Variants in HNRNPM observed in about 807,000 individuals in gnomAD.
HNRNPM encodes CEA receptor.
A neutral mutation model predicts 73.1 loss-of-function variants in HNRNPM; 11 were observed. The ratio of observed to expected loss-of-function variants is 0.15; its 90% CI spans 0.09 to 0.25. The LOEUF is 0.25. HNRNPM is among the 10% of genes least tolerant of loss of function. The pLI is 1.00. For missense variants in HNRNPM, 789 were observed against 1,067.9 expected, an observed-to-expected ratio of 0.74 and a Z score of 3.64; for synonymous variants, 407 against 355.2, an observed-to-expected ratio of 1.15 and a Z score of -1.64.
intron 8 of HNRNPM, among the ~76,000 whole-genome samples, chr19:8,468,485 G>T (rs1439427075): frequency 6.6e-6 from 1 of 152,104 alleles, no homozygotes; most frequent in Non-Finnish European, 1.5e-5. Flanking sequence ...ATAGATTCAC[G>T]TGACTCAAAA....
Position 8,486,368 on chromosome 19 carries a change from G to C in HNRNPM, c.1940G>C (p.Gly647Ala). ...GGTGGAGCTGGAGGCCATGCTCCTG[G>C]GGTGGCCAGGAAGGCCTGCCAGATA... ...SFGGAGGHAP[G>A]VARKACQIFV... Residue 647 changes from glycine (G) to alanine (A), a missense_variant, in exon 14 of 16, where the codon GGG (glycine) becomes GCG (alanine). By Grantham distance (60) the Gly-to-Ala change is moderately conservative. Transcript: ENST00000325495. 1 of 1,584,094 alleles carries C rather than the reference G, an allele frequency of 6.3e-7. No homozygotes were observed. The highest frequency in any genetic ancestry group is 8.5e-7 in the Non-Finnish European group (1 of 1,171,868).
At position 8,488,923 on chromosome 19, in the gene HNRNPM, T is replaced by G; in HGVS notation, c.*69T>G. ...TATTTTTTCTTGTTAACCATTTTAATTTGTTGGCTGGATGTATAAAGATGT... is the reference window on the plus strand; with the variant it reads ...TATTTTTTCTTGTTAACCATTTTAAGTTGTTGGCTGGATGTATAAAGATGT... On this transcript the variant is annotated 3_prime_UTR_variant, in exon 16 of 16. Transcript: ENST00000325495. The G allele has an allele frequency of 1.4e-6, 2 of 1,400,646 alleles. No individual in the cohort carries two copies. Among genetic ancestry groups the G allele is most frequent in the Non-Finnish European group, 2.0e-6 (2 of 1,023,796 alleles). The allele number at this position is 1,400,646 out of a possible 1,614,324, so 86.8% of individuals were successfully genotyped here.
rs6992 is a variant in HNRNPM at position 8,488,746 on chromosome 19, C to T, written c.2085C>T (p.Gly695=). ...AGAATGGGAAGTCCAAGGGGTGTGGCGTGGTTAAGTTCGAGTCGCCAGAGG... is the reference window on the plus strand; with the variant it reads ...AGAATGGGAAGTCCAAGGGGTGTGGTGTGGTTAAGTTCGAGTCGCCAGAGG... ...KMENGKSKGC[G]VVKFESPEVA... is the part of the protein sequence containing the mutation. Residue 695 remains glycine, a synonymous_variant, in exon 16 of 16, where the codon GGC becomes GGT. Coordinates refer to ENST00000325495, the MANE Select transcript of HNRNPM (RefSeq NM_005968.5). 1,541,057 of 1,613,948 alleles carry T rather than the reference C, an allele frequency of 0.95. 739,811 individuals carry two copies. Among genetic ancestry groups the T allele is most frequent in the East Asian group, 0.99 (44,497 of 44,874 alleles).
At chr19:8,483,115 T>C (rs749871677) in intron 12 of HNRNPM, 43 bp from the exon 13 acceptor site, 2 of 1,259,998 alleles carry the variant, frequency 1.6e-6, no homozygotes, top group Non-Finnish European at 1.2e-6. Flanking sequence ...TCTATTGCCA[T>C]AGAGGAATTT....
rs532985888 is a variant in HNRNPM, at chr19:8,475,692, C to G, written c.1120+1448C>G. Among the ~76,000 whole-genome samples, 10 of 152,300 alleles carry G rather than the reference C, an allele frequency of 6.6e-5. No individual in the cohort carries two copies. The East Asian group carries it at 1.9e-3, about 29-fold the overall frequency. ...GAGGTCTGCGTTTCCAGTGTACATT[C>G]AAGCTTGCCTGTAACTTGTGTGTGC... On this transcript the variant is annotated intron_variant, in intron 12 of 15. Transcript: ENST00000325495.
rs1599740681 is a variant in HNRNPM, at chr19:8,448,742, C to T, written c.113+3631C>T. Among the ~76,000 whole-genome samples the T allele has an allele frequency of 2.0e-5, 3 of 151,652 alleles. No individual in the cohort carries two copies. The East Asian group carries it at 5.9e-4, about 30-fold the overall frequency. On this transcript the variant is annotated intron_variant, in intron 1 of 15. Coordinates refer to ENST00000325495, the MANE Select transcript of HNRNPM (RefSeq NM_005968.5). ...TCGTTATCCGCCCGTCTTGGCCTCC[C>T]AAAGTGCTGGGATTATAGGCGTGAG...
Position 8,465,454 on chromosome 19 carries a change from C to G in HNRNPM, c.569C>G (p.Pro190Arg). 1 of 1,613,386 alleles carries G rather than the reference C, an allele frequency of 6.2e-7. No individual in the cohort carries two copies. Among genetic ancestry groups the G allele is most frequent in the Non-Finnish European group, 8.5e-7 (1 of 1,179,496 alleles). The change falls in exon 6 of 16, where the codon CCA becomes CGA. Residue 190 changes from proline to arginine, a missense_variant. This residue lies in a region of HNRNPM where 604 missense variants were observed against 744.0 expected (regional missense o/e 0.81). Coordinates refer to ENST00000325495, the MANE Select transcript of HNRNPM (RefSeq NM_005968.5). Reference protein sequence around the residue: ...PPSILNNPNIPNEIIHALQAG... With the variant: ...PPSILNNPNIRNEIIHALQAG... ...AGTATCCTAAATAATCCCAACATCC[C>G]AAATGAGATTATCCATGCATTACAG...
chr19:8,478,748 G>A (rs1176512228), intron 12 of HNRNPM, among the ~76,000 whole-genome samples: 1 of 152,210 alleles, frequency 6.6e-6, no homozygotes, highest in Non-Finnish European at 1.5e-5. Flanking sequence ...TGTGGGAATG[G>A]AAACTGCTGC....
At position 8,471,308 on chromosome 19, in the gene HNRNPM, T is replaced by C; in HGVS notation, c.896-18T>C. On this transcript the variant is annotated intron_variant, in intron 9 of 15. Coordinates refer to ENST00000325495, the MANE Select transcript of HNRNPM (RefSeq NM_005968.5). The stretch of plus-strand genomic sequence containing the variant: ...GCTAAATAGGGGAAAACTAAGCTTC[T>C]TTCTCTTTTCTTTCCAGATGGCCTT... The C allele has an allele frequency of 6.6e-7, 1 of 1,505,332 alleles. No individual in the cohort carries two copies. Among genetic ancestry groups the C allele is most frequent in the Non-Finnish European group, 9.0e-7 (1 of 1,108,838 alleles). 93.2% of individuals were successfully genotyped at this position (1,505,332 alleles called of 1,614,324 possible). A position where few individuals can be genotyped will look rare whatever the true frequency, so the allele number is the denominator to read the frequency against.
At chr19:8,467,923 A>T (rs913089332) in intron 8 of HNRNPM, among the ~76,000 whole-genome samples, 3 of 152,132 alleles carry the variant, frequency 2.0e-5, no homozygotes, top group African/African-American at 7.2e-5. Flanking sequence ...GCTACTCGGG[A>T]GGCTGAGGCA....
Position 8,485,735 on chromosome 19 carries a change from G to A in HNRNPM, c.1307G>A (p.Arg436His), listed in dbSNP as rs767065531. The A allele has an allele frequency of 7.5e-6, 12 of 1,606,046 alleles. No homozygotes were observed. The South Asian group carries it at 9.9e-5, about 13-fold the overall frequency. The change falls in exon 14 of 16, where the codon CGC (arginine) becomes CAC (histidine). Residue 436 changes from arginine to histidine, a missense_variant. Arg to His is a conservative substitution (Grantham distance 29). This residue lies in a region of HNRNPM where 604 missense variants were observed against 744.0 expected (regional missense o/e 0.81). Transcript: ENST00000325495. The stretch of plus-strand genomic sequence containing the variant: ...GATCGCGTGGGCTCCGAGATCGAGC[G>A]CATGGGCCTGGTCATGGACCGCATG... ...GMDRVGSEIE[R>H]MGLVMDRMGS... is the part of the protein sequence containing the mutation.
intron 12 of HNRNPM, among the ~76,000 whole-genome samples, chr19:8,479,574 C>T (rs1295599861): frequency 6.6e-6 from 1 of 151,840 alleles, no homozygotes; most frequent in Non-Finnish European, 1.5e-5. Context: ...ACCTTTGCCT[C>T]TGAGTGGCTA....
rs374999437 is a variant in HNRNPM at position 8,473,012 on chromosome 19, C to T, written c.998-652C>T. 3.3e-4 allele frequency among the ~76,000 whole-genome samples: 51 copies of T among 152,254 alleles called. 1 individual carries two copies. The South Asian group carries it at 0.011, about 32-fold the overall frequency. On this transcript the variant is annotated intron_variant, in intron 10 of 15. Coordinates refer to ENST00000325495, the MANE Select transcript of HNRNPM (RefSeq NM_005968.5). ...CCTAACTTGAGGCCTGGTGTGGTGG[C>T]TTATGCCTGTAATCCCAGCAATTTG...
chr19:8,484,260 T>C (rs1377573542), intron 13 of HNRNPM, among the ~76,000 whole-genome samples: 3 of 148,108 alleles, frequency 2.0e-5, no homozygotes, highest in African/African-American at 7.5e-5. Context: ...CACTGTGACC[T>C]CCGTCTCCTG....
At chr19:8,473,767 TC>T in intron 11 of HNRNPM, 59 bp downstream of exon 11, 1 of 1,055,534 alleles carries the variant, frequency 9.5e-7, no homozygotes, top group Middle Eastern at 2.0e-4. Flanking sequence ...TTTCTCTCTT[TC>T]CTCTTTTCTT....
intron 5 of HNRNPM, chr19:8,463,892 T>C: frequency 1.8e-6 from 1 of 544,382 alleles, no homozygotes; most frequent in Non-Finnish European, 3.3e-6. Flanking sequence ...CCTGAGTGGC[T>C]GCTGACCACC....
In HNRNPM at chr19:8,486,198, G is replaced by A. The variant is rs767860626; in HGVS notation, c.1770G>A (p.Glu590=). ...AGCGCATGGGTGCCAACAGCCTCGA[G>A]CGCATGGGCCCTGCCATGGGCCCGG... ...GLERMGANSL[E]RMGPAMGPAL... Residue 590 remains glutamate, a synonymous_variant, in exon 14 of 16, where the codon GAG becomes GAA. Transcript: ENST00000325495. 4 of 1,583,384 alleles carry A rather than the reference G, an allele frequency of 2.5e-6. No individual in the cohort carries two copies. Among genetic ancestry groups the A allele is most frequent in the South Asian group, 2.3e-5 (2 of 88,412 alleles).
intron 3 of HNRNPM, among the ~76,000 whole-genome samples, chr19:8,463,133 C>G (rs909029721): frequency 6.6e-6 from 1 of 152,060 alleles, no homozygotes; most frequent in African/African-American, 2.4e-5. Context: ...GCTTAACTTA[C>G]GGAAGGGATG....
At chr19:8,472,027 C>T (rs539386410) in intron 10 of HNRNPM, among the ~76,000 whole-genome samples, 11 of 152,124 alleles carry the variant, frequency 7.2e-5, no homozygotes, top group East Asian at 1.9e-4. Context: ...AACAATTAGC[C>T]GGGCGTGGTG....
Sources: gnomAD v4.1 joint callset for allele counts (sites outside exome capture counted in the v4.1 genomes callset) on GRCh38, gnomAD v4.1.1 for gene constraint, gnomAD v4.1.1 regional missense constraint, MANE v1.5 for transcripts, NCBI Gene and HGNC (gene_info 2026-07-23, HGNC 2026-07-21) for gene names.